PBX3: variants seen among roughly 807,000 people sequenced by gnomAD.
The protein encoded by PBX3 is PBX homeobox 3, also known as pre-B-cell leukemia transcription factor 3.
Under a neutral mutation model 48.5 loss-of-function variants are expected in PBX3, and 14 were observed. The ratio of observed to expected loss-of-function variants is 0.29; its 90% CI spans 0.19 to 0.45. PBX3 has a LOEUF of 0.45. Among genes scored for constraint, PBX3 ranks in the 20% least tolerant of loss-of-function variants. The pLI, the probability that PBX3 is intolerant of heterozygous loss-of-function variation, is 1.00. For missense variants in PBX3, 386 were observed against 546.7 expected (o/e 0.71, Z 2.93); for synonymous variants, 210 against 200.3 (o/e 1.05, Z -0.41).
chr9:125,843,776 A>G (rs1226788235), intron 2 of PBX3: 5 of 455,856 alleles, frequency 1.1e-5, no homozygotes, highest in African/African-American at 8.0e-5. Flanking sequence ...GAGCCAGAAC[A>G]TGAAATGATG....
intron 2 of PBX3, among the ~76,000 whole-genome samples, chr9:125,841,251 T>G (rs1839282923): frequency 6.6e-6 from 1 of 152,238 alleles, no homozygotes. Flanking sequence ...GATCTTAAAC[T>G]ATTTGAATAA....
At chr9:125,965,368 G>A (rs1033910345) in intron 8 of PBX3, among the ~76,000 whole-genome samples, 2 of 152,146 alleles carry the variant, frequency 1.3e-5, no homozygotes, top group Admixed American at 6.6e-5. Context: ...ACTTTCCAAG[G>A]GTTACAGTAG....
intron 2 of PBX3, among the ~76,000 whole-genome samples, chr9:125,870,548 C>T (rs764079680): frequency 6.6e-6 from 1 of 152,174 alleles, no homozygotes; most frequent in African/African-American, 2.4e-5. Context: ...GAGAGCAGCT[C>T]AGGAAACACC....
chr9:125,757,837 T>C (rs1836561763), intron 2 of PBX3, among the ~76,000 whole-genome samples: 1 of 152,226 alleles, frequency 6.6e-6, no homozygotes, highest in African/African-American at 2.4e-5. Context: ...AACCCAGTGA[T>C]ACAGTTGGTA....
intron 2 of PBX3, among the ~76,000 whole-genome samples, chr9:125,827,776 C>T: frequency 6.6e-6 from 1 of 152,130 alleles, no homozygotes; most frequent in Middle Eastern, 3.2e-3. Context: ...TATAAACATG[C>T]TTGTACACAT....
intron 1 of PBX3, chr9:125,748,347 CT>C: frequency 7.7e-7 from 1 of 1,295,826 alleles, no homozygotes; most frequent in South Asian, 1.7e-5. Flanking sequence ...ATGGGTCCGC[CT>C]TGTTCCGGCT....
At position 125,915,904 on chromosome 9, in the gene PBX3, A is replaced by T. The variant is rs774767232; in HGVS notation, c.493A>T (p.Thr165Ser). The change falls in exon 3 of 9, where the codon ACA becomes TCA. Residue 165 changes from threonine (T) to serine (S), a missense_variant. Around this residue, in one of 4 missense-constraint regions of PBX3, gnomAD observed 74 missense variants for 206.1 expected, o/e 0.36. Coordinates refer to ENST00000373489, the MANE Select transcript of PBX3 (RefSeq NM_006195.6). ...KLTQIRQIYHTELEKYEQACN... is the reference protein window; with the variant it reads ...KLTQIRQIYHSELEKYEQACN... ...GACCCAGATCAGACAAATCTATCAC[A>T]CAGAACTGGAGAAATATGAACAGGT... The T allele has an allele frequency of 6.2e-7, 1 of 1,613,784 alleles. No homozygotes were observed. The highest frequency in any genetic ancestry group is 1.1e-5 in the South Asian group (1 of 91,060).
chr9:125,817,882 T>C (rs933838463), intron 2 of PBX3, among the ~76,000 whole-genome samples: 1 of 152,210 alleles, frequency 6.6e-6, no homozygotes, highest in Non-Finnish European at 1.5e-5. Flanking sequence ...CTGTAGATGA[T>C]GGACCATTCA....
At chr9:125,806,415 G>A (rs537757486) in intron 2 of PBX3, among the ~76,000 whole-genome samples, 3 of 152,302 alleles carry the variant, frequency 2.0e-5, no homozygotes, top group Admixed American at 2.0e-4. Context: ...GAGGATGGGA[G>A]GTTCACGATC....
intron 5 of PBX3, among the ~76,000 whole-genome samples, chr9:125,953,985 G>A (rs1842249382): frequency 6.6e-6 from 1 of 152,156 alleles, no homozygotes. Flanking sequence ...ATATGTGTAC[G>A]CCTTCCTAAA....
At chr9:125,812,003 T>C (rs1205168802) in intron 2 of PBX3, among the ~76,000 whole-genome samples, 10 of 152,172 alleles carry the variant, frequency 6.6e-5, no homozygotes. Context: ...CCTTGTAAAA[T>C]AGGCCCAAGG....
At chr9:125,848,688 G>T (rs993324270) in intron 2 of PBX3, among the ~76,000 whole-genome samples, 1 of 151,898 alleles carries the variant, frequency 6.6e-6, no homozygotes, top group African/African-American at 2.4e-5. Flanking sequence ...GTTCAAAAAG[G>T]TTTACTGAGT....
At chr9:125,857,604 G>T (rs992148822) in intron 2 of PBX3, among the ~76,000 whole-genome samples, 1 of 152,062 alleles carries the variant, frequency 6.6e-6, no homozygotes, top group African/African-American at 2.4e-5. Context: ...CTCAAGAAGT[G>T]ATATTATCTT....
intron 2 of PBX3, among the ~76,000 whole-genome samples, chr9:125,786,932 C>T (rs1837472667): frequency 6.6e-6 from 1 of 152,016 alleles, no homozygotes; most frequent in African/African-American, 2.4e-5. Context: ...ACCATGTTGG[C>T]CAGGCTGGTC....
At chr9:125,803,383 C>T (rs570488285) in intron 2 of PBX3, among the ~76,000 whole-genome samples, 133 of 151,950 alleles carry the variant, frequency 8.8e-4, no homozygotes, top group African/African-American at 3.2e-3. Flanking sequence ...CCACTGTGCC[C>T]GGCCCCCACT....
intron 2 of PBX3, among the ~76,000 whole-genome samples, chr9:125,861,134 C>G (rs1035189059): frequency 1.3e-5 from 2 of 151,494 alleles, no homozygotes; most frequent in Non-Finnish European, 2.9e-5. Flanking sequence ...CCCCTCCCTC[C>G]CACAAAAAAA....
intron 5 of PBX3, among the ~76,000 whole-genome samples, chr9:125,956,208 A>G (rs1361827353): frequency 6.6e-6 from 1 of 152,252 alleles, no homozygotes; most frequent in Non-Finnish European, 1.5e-5. Flanking sequence ...AGGAAACACT[A>G]AAATAACTAA....
chr9:125,878,940 A>T (rs1840316956), intron 2 of PBX3, among the ~76,000 whole-genome samples: 1 of 152,160 alleles, frequency 6.6e-6, no homozygotes, highest in Non-Finnish European at 1.5e-5. Context: ...TGACAACATC[A>T]CTAAAAGTGA....
At chr9:125,950,334 A>G (rs1842167342) in intron 5 of PBX3, among the ~76,000 whole-genome samples, 1 of 152,196 alleles carries the variant, frequency 6.6e-6, no homozygotes, top group African/African-American at 2.4e-5. Flanking sequence ...AGCCTCAGAT[A>G]AAAAAATACT....
Sources: allele counts gnomAD v4.1 joint callset (sites outside exome capture counted in the v4.1 genomes callset), GRCh38; gene constraint gnomAD v4.1.1; regional missense constraint gnomAD v4.1.1; transcripts MANE v1.5; gene names NCBI Gene and HGNC (gene_info 2026-07-23, HGNC 2026-07-21).